CNTLN: variants seen among roughly 807,000 people sequenced by gnomAD.
CNTLN encodes centlein.
CNTLN carries 212 observed loss-of-function variants against 180.0 expected under a neutral mutation model. That is an observed-to-expected ratio of 1.18 (90% CI 1.05 to 1.32). The LOEUF is 1.32. CNTLN is among the 40% of genes most tolerant of loss of function. CNTLN has a pLI of 0.00. For synonymous variants in CNTLN, 722 were observed against 563.1 expected, an observed-to-expected ratio of 1.28 and a Z score of -3.99; for missense variants, 2,095 against 1,610.9, an observed-to-expected ratio of 1.30 and a Z score of -5.14.
chr9:17,379,072 G>A (rs962536941), intron 13 of CNTLN, among the ~76,000 whole-genome samples: 1 of 151,528 alleles, frequency 6.6e-6, no homozygotes, highest in East Asian at 1.9e-4. Context: ...TTCTTTAGCA[G>A]TTAATTACTC....
At chr9:17,266,479 A>T in intron 5 of CNTLN, among the ~76,000 whole-genome samples, 1 of 152,070 alleles carries the variant, frequency 6.6e-6, no homozygotes, top group Non-Finnish European at 1.5e-5. Context: ...ATTTTGGAAT[A>T]GGTGTGGTGT....
At chr9:17,515,892 A>G in the CNTLN span, among the ~76,000 whole-genome samples, 3 of 152,160 alleles carry the variant, frequency 2.0e-5, no homozygotes, top group Non-Finnish European at 2.9e-5. Flanking sequence ...GTCACTTCCC[A>G]TCTTACTCAA....
chr9:17,482,713 A>G (rs112155512), intron 23 of CNTLN, among the ~76,000 whole-genome samples: 27 of 152,310 alleles, frequency 1.8e-4, no homozygotes, highest in Middle Eastern at 3.4e-3. Flanking sequence ...GTAAAGCCTC[A>G]TTAGTTAAAA....
chr9:17,328,138 C>T (rs970316854), intron 8 of CNTLN, among the ~76,000 whole-genome samples: 2 of 152,112 alleles, frequency 1.3e-5, no homozygotes, highest in Non-Finnish European at 1.5e-5. Flanking sequence ...ATAATATACC[C>T]TTTTGTACCC....
At chr9:17,266,388 C>G (rs907516390) in intron 5 of CNTLN, among the ~76,000 whole-genome samples, 18 of 152,268 alleles carry the variant, frequency 1.2e-4, no homozygotes, top group South Asian at 4.1e-4. Flanking sequence ...TTTGATTGCA[C>G]TGTGGTCTGA....
intron 18 of CNTLN, among the ~76,000 whole-genome samples, chr9:17,436,648 A>G (rs1587988577): frequency 1.3e-5 from 2 of 152,252 alleles, no homozygotes; most frequent in East Asian, 3.9e-4. Context: ...CTGTATTTGG[A>G]GTTATGTGAT....
At chr9:17,451,829 T>C (rs1830795464) in intron 18 of CNTLN, among the ~76,000 whole-genome samples, 1 of 152,200 alleles carries the variant, frequency 6.6e-6, no homozygotes, top group Admixed American at 6.5e-5. Flanking sequence ...TTTTAAATGG[T>C]TCATTACTTT....
intron 2 of CNTLN, among the ~76,000 whole-genome samples, chr9:17,209,444 G>T (rs934136642): frequency 6.6e-6 from 1 of 152,140 alleles, no homozygotes; most frequent in Non-Finnish European, 1.5e-5. Flanking sequence ...TATTTGTTCT[G>T]CAGTGCAGAT....
intron 16 of CNTLN, among the ~76,000 whole-genome samples, chr9:17,412,308 A>C (rs1185231702): frequency 6.6e-6 from 1 of 152,182 alleles, no homozygotes; most frequent in African/African-American, 2.4e-5. Flanking sequence ...AAGTTCTAAT[A>C]CTTGAAATAT....
chr9:17,180,116 C>G (rs1323990392), intron 2 of CNTLN, among the ~76,000 whole-genome samples: 3 of 150,978 alleles, frequency 2.0e-5, no homozygotes, highest in African/African-American at 7.3e-5. Context: ...AAAATCTACT[C>G]TGTTGAGCAC....
intron 6 of CNTLN, among the ~76,000 whole-genome samples, chr9:17,276,057 A>T (rs1461858384): frequency 6.6e-6 from 1 of 152,106 alleles, no homozygotes; most frequent in African/African-American, 2.4e-5. Context: ...GGGTAACAGG[A>T]TCCATACCCC....
intron 1 of CNTLN, among the ~76,000 whole-genome samples, chr9:17,141,334 T>G (rs1818074799): frequency 6.6e-6 from 1 of 152,164 alleles, no homozygotes; most frequent in African/African-American, 2.4e-5. Context: ...CTTGGGGTTT[T>G]GGTGGCTGTG....
At chr9:17,192,384 G>A (rs907562520) in intron 2 of CNTLN, among the ~76,000 whole-genome samples, 7 of 151,782 alleles carry the variant, frequency 4.6e-5, no homozygotes, top group African/African-American at 1.7e-4. Context: ...GATTACAGGC[G>A]CCTGCCACCG....
chr9:17,206,375 T>A (rs1822923368), intron 2 of CNTLN, among the ~76,000 whole-genome samples: 1 of 152,216 alleles, frequency 6.6e-6, no homozygotes, highest in African/African-American at 2.4e-5. Flanking sequence ...ATGAATTTGC[T>A]CAGCTGCGTA....
At chr9:17,156,834 AAAT>A (rs1419963566) in intron 2 of CNTLN, among the ~76,000 whole-genome samples, 2 of 152,236 alleles carry the variant, frequency 1.3e-5, no homozygotes, top group Non-Finnish European at 2.9e-5. Flanking sequence ...TTTATAATTG[AAAT>A]AATAAAATAG....
chr9:17,384,094 G>T (rs1366969260), intron 13 of CNTLN, among the ~76,000 whole-genome samples: 1 of 152,056 alleles, frequency 6.6e-6, no homozygotes. Context: ...TGGGCTTAAG[G>T]AATAGCATAA....
intron 5 of CNTLN, among the ~76,000 whole-genome samples, chr9:17,269,957 A>G (rs1466825812): frequency 6.6e-6 from 1 of 152,064 alleles, no homozygotes; most frequent in Non-Finnish European, 1.5e-5. Context: ...GGTATTGTAA[A>G]TGTTTAGTTT....
rs180829303 is a variant in CNTLN at position 17,435,311 on chromosome 9, C to G, written c.3114+19122C>G. Among the ~76,000 whole-genome samples the G allele has an allele frequency of 2.0e-3, 311 of 152,104 alleles. 1 individual carries two copies. The highest frequency in any genetic ancestry group is 7.2e-3 in the Admixed American group (110 of 15,276). The stretch of plus-strand genomic sequence containing the variant: ...ATCTGCTTTATAGTTTCTACAAAGC[C>G]CTTACTGTTCCAATAATGCTTTCTG... On this transcript the variant is annotated intron_variant, in intron 18 of 25. Transcript: ENST00000380647.
chr9:17,469,953 A>G (rs1235512528), intron 23 of CNTLN, among the ~76,000 whole-genome samples: 5 of 151,902 alleles, frequency 3.3e-5, no homozygotes, highest in African/African-American at 9.7e-5. Flanking sequence ...AGTAAGTTAC[A>G]ATAGCTAAAG....
Sources: gnomAD v4.1 joint callset for allele counts (sites outside exome capture counted in the v4.1 genomes callset) on GRCh38, gnomAD v4.1.1 for gene constraint, MANE v1.5 for transcripts, NCBI Gene and HGNC (gene_info 2026-07-23, HGNC 2026-07-21) for gene names.